The following ZNF804B variants were observed in gnomAD, a reference collection of about 807,000 sequenced individuals.
ZNF804B encodes zinc finger 804B.
ZNF804B carries 80 observed loss-of-function variants against 101.4 expected under a neutral mutation model. The observed-to-expected ratio is 0.79, with a 90% CI of 0.66 to 0.95. ZNF804B has a LOEUF of 0.95. Among genes scored for constraint, ZNF804B ranks in the 40% least tolerant of loss-of-function variants. ZNF804B has a pLI of 0.00. For synonymous variants in ZNF804B, 622 were observed against 558.8 expected (o/e 1.11, Z -1.59); for missense variants, 1,673 against 1,561.9 (o/e 1.07, Z -1.20).
At chr7:89,231,333 C>T (rs558590670) in intron 2 of ZNF804B, among the ~76,000 whole-genome samples, 23 of 152,134 alleles carry the variant, frequency 1.5e-4, no homozygotes, top group Non-Finnish European at 2.2e-4. Context: ...GCCATTACCA[C>T]GCTATCTTAT....
chr7:89,190,787 A>C (rs1788445063), intron 1 of ZNF804B, among the ~76,000 whole-genome samples: 1 of 152,134 alleles, frequency 6.6e-6, no homozygotes, highest in African/African-American at 2.4e-5. Context: ...AATCAACATC[A>C]AGGCAAGAAG....
chr7:89,249,171 A>T (rs2115783298), intron 2 of ZNF804B, among the ~76,000 whole-genome samples: 1 of 152,294 alleles, frequency 6.6e-6, no homozygotes, highest in East Asian at 1.9e-4. Context: ...GACCTATGGA[A>T]AGATGTAGAT....
At chr7:88,765,053 A>G (rs577988975) in intron 1 of ZNF804B, among the ~76,000 whole-genome samples, 1 of 152,246 alleles carries the variant, frequency 6.6e-6, no homozygotes, top group Admixed American at 6.5e-5. Flanking sequence ...CACCTATGCT[A>G]GTTGGTACCT....
chr7:89,241,899 T>C lies in ZNF804B; in HGVS notation c.249+23604T>C, dbSNP rs1043335267. Among the ~76,000 whole-genome samples the C allele has an allele frequency of 6.6e-5, 10 of 151,720 alleles. 1 individual carries two copies. The highest frequency in any genetic ancestry group is 3.9e-4 in the East Asian group (2 of 5,158). ...TGGAAGAGTCTACCTTTTTCTTTTT[T>C]TTTTTTTTCTCTTAAAGGAACAATA... On this transcript the variant is annotated intron_variant, in intron 2 of 3. Transcript: ENST00000333190.
intron 1 of ZNF804B, among the ~76,000 whole-genome samples, chr7:89,186,437 T>A (rs1051535349): frequency 1.3e-5 from 2 of 152,156 alleles, no homozygotes; most frequent in Admixed American, 6.6e-5. Context: ...GTAAGATTTA[T>A]ATGATAGTAT....
At chr7:89,051,718 TGA>T (rs1344501620) in intron 1 of ZNF804B, among the ~76,000 whole-genome samples, 12 of 152,176 alleles carry the variant, frequency 7.9e-5, no homozygotes, top group Non-Finnish European at 1.6e-4. Context: ...TATAAATTTA[TGA>T]GTTTCCTTTG....
intron 2 of ZNF804B, among the ~76,000 whole-genome samples, chr7:89,252,766 A>G (rs966898857): frequency 1.3e-5 from 2 of 152,184 alleles, no homozygotes; most frequent in Non-Finnish European, 2.9e-5. Flanking sequence ...ATTATCCTAA[A>G]CGAATTAGCA....
At chr7:89,252,561 T>C (rs1005165389) in intron 2 of ZNF804B, among the ~76,000 whole-genome samples, 1 of 152,186 alleles carries the variant, frequency 6.6e-6, no homozygotes, top group East Asian at 1.9e-4. Flanking sequence ...GAAATCATTC[T>C]ACCAAATAGA....
At chr7:89,310,488 T>C (rs1440047272) in intron 2 of ZNF804B, among the ~76,000 whole-genome samples, 5 of 152,192 alleles carry the variant, frequency 3.3e-5, no homozygotes, top group Admixed American at 2.6e-4. Flanking sequence ...CCTGCTTCTA[T>C]TTTAATAGTT....
At chr7:89,092,812 C>T (rs926275890) in intron 1 of ZNF804B, among the ~76,000 whole-genome samples, 1 of 152,110 alleles carries the variant, frequency 6.6e-6, no homozygotes, top group African/African-American at 2.4e-5. Context: ...CTTGCTCACA[C>T]CAAAAGATGG....
At chr7:89,263,106 C>T (rs1413546347) in intron 2 of ZNF804B, among the ~76,000 whole-genome samples, 1 of 152,166 alleles carries the variant, frequency 6.6e-6, no homozygotes, top group Non-Finnish European at 1.5e-5. Flanking sequence ...TGAGTATGGG[C>T]ACTTGCAACC....
At chr7:89,009,883 G>A (rs12704415) in intron 1 of ZNF804B, among the ~76,000 whole-genome samples, 78,849 of 152,040 alleles carry the variant, frequency 0.52, 21,426 homozygotes, top group Middle Eastern at 0.64. Flanking sequence ...AATGAACTAA[G>A]GCAGTGTTAA....
Position 89,295,175 on chromosome 7 carries a change from G to A in ZNF804B, c.250-32169G>A, listed in dbSNP as rs534268931. 6.6e-5 allele frequency among the ~76,000 whole-genome samples: 10 copies of A among 152,106 alleles called. No homozygotes were observed. The South Asian group carries it at 1.0e-3, about 16-fold the overall frequency. On this transcript the variant is annotated intron_variant, in intron 2 of 3. Transcript: ENST00000333190. ...TGGGGATTCTGATAGTTTTTATTTT[G>A]ACAGTGAGGGTTTCTTGCTTCTTCT... is the stretch of plus-strand genomic sequence containing the variant.
At chr7:89,031,731 C>T (rs1788839102) in intron 1 of ZNF804B, among the ~76,000 whole-genome samples, 1 of 150,594 alleles carries the variant, frequency 6.6e-6, no homozygotes, top group African/African-American at 2.4e-5. Context: ...TTTTTACAAA[C>T]ATGTATTATG....
At chr7:88,790,442 G>T (rs151337871) in intron 1 of ZNF804B, among the ~76,000 whole-genome samples, 97 of 152,006 alleles carry the variant, frequency 6.4e-4, no homozygotes, top group Admixed American at 1.8e-3. Context: ...CCCCTGACAG[G>T]CCCTAGTGGG....
At chr7:89,168,890 G>A (rs573450348) in intron 1 of ZNF804B, among the ~76,000 whole-genome samples, 2 of 151,936 alleles carry the variant, frequency 1.3e-5, no homozygotes, top group Admixed American at 6.6e-5. Flanking sequence ...AGATGGGGGC[G>A]GGCCACTCCC....
At chr7:88,912,858 T>A (rs1220626600) in intron 1 of ZNF804B, among the ~76,000 whole-genome samples, 1 of 152,224 alleles carries the variant, frequency 6.6e-6, no homozygotes, top group African/African-American at 2.4e-5. Context: ...CGCATTAATA[T>A]TGATTTGTGA....
At chr7:89,330,197 A>T (rs1238863645) in intron 3 of ZNF804B, among the ~76,000 whole-genome samples, 1 of 151,706 alleles carries the variant, frequency 6.6e-6, no homozygotes, top group Non-Finnish European at 1.5e-5. Flanking sequence ...TTCATTGAGA[A>T]TGCAACTGTG....
chr7:89,088,765 C>A (rs1041506248), intron 1 of ZNF804B, among the ~76,000 whole-genome samples: 15 of 151,588 alleles, frequency 9.9e-5, no homozygotes, highest in Non-Finnish European at 2.2e-4. Context: ...TATGGACATG[C>A]TGAGAGTTAA....
Sources: allele counts gnomAD v4.1 joint callset (sites outside exome capture counted in the v4.1 genomes callset), GRCh38; gene constraint gnomAD v4.1.1; transcripts MANE v1.5; gene names NCBI Gene and HGNC (gene_info 2026-07-23, HGNC 2026-07-21).